The following LGI1 variants were observed in gnomAD, a reference collection of about 807,000 sequenced individuals.
LGI1 encodes the protein leucine-rich glioma-inactivated protein 1.
LGI1 carries 11 observed loss-of-function variants against 57.7 expected under a neutral mutation model. That is an observed-to-expected ratio of 0.19 (90% CI 0.12 to 0.32). The LOEUF is 0.32. LGI1 is among the 10% of genes least tolerant of loss of function. LGI1 has a pLI of 1.00. For missense variants in LGI1, 422 were observed against 661.9 expected (o/e 0.64, Z 3.98); for synonymous variants, 222 against 241.9 (o/e 0.92, Z 0.76).
intron 7 of LGI1, among the ~76,000 whole-genome samples, chr10:93,796,520 T>C (rs1290971495): frequency 4.6e-5 from 7 of 152,218 alleles, no homozygotes; most frequent in Non-Finnish European, 1.0e-4. Flanking sequence ...TTCAGTTTAC[T>C]CATGTGGAAA....
In LGI1 at chr10:93,758,306, A is replaced by C; in HGVS notation, c.162A>C (p.Leu54Phe). ...AVCTCTKDNALCENARSIPRT... is the reference protein window; with the variant it reads ...AVCTCTKDNAFCENARSIPRT... ...GTACTTGTACCAAAGATAATGCTTT[A>C]TGTGAGAATGCCAGATCCATTCCAC... Residue 54 changes from leucine to phenylalanine, a missense_variant, in exon 1 of 8, where the codon TTA becomes TTC. Physicochemically the swap from Leu to Phe is conservative, Grantham distance 22. Coordinates refer to ENST00000371418, the MANE Select transcript of LGI1 (RefSeq NM_005097.4). This position sits in a 1 kb window ranked among gnomAD's most constrained non-coding sequence, Gnocchi z 4.7. 6 of 1,614,208 alleles carry C rather than the reference A, an allele frequency of 3.7e-6. No individual in the cohort carries two copies. Among genetic ancestry groups the C allele is most frequent in the Non-Finnish European group, 3.4e-6 (4 of 1,180,030 alleles).
At chr10:93,776,533 A>G (rs2059796249) in intron 2 of LGI1, among the ~76,000 whole-genome samples, 1 of 152,176 alleles carries the variant, frequency 6.6e-6, no homozygotes, top group African/African-American at 2.4e-5. Flanking sequence ...AGTGGTACTT[A>G]TATTTAATCC....
rs753475754 is a variant in LGI1, at chr10:93,758,121, G to T, written c.-24G>T. On this transcript the variant is annotated 5_prime_UTR_variant, in exon 1 of 8. An upstream start codon of the reference 5' UTR is lost. Coordinates refer to ENST00000371418, the MANE Select transcript of LGI1 (RefSeq NM_005097.4). This position sits in a 1 kb window ranked among gnomAD's most constrained non-coding sequence, Gnocchi z 4.7. ...TCTGAATTCCAGAAGCCCTGTTCAT[G>T]GTTGGGGATATTTTCTCGACTGCAT... 6.2e-7 allele frequency: 1 copy of T among 1,604,936 alleles called. No individual in the cohort carries two copies. Among genetic ancestry groups the T allele is most frequent in the Non-Finnish European group, 8.5e-7 (1 of 1,171,782 alleles).
At position 93,797,852 on chromosome 10, in the gene LGI1, C is replaced by T; in HGVS notation, c.*49C>T. 8.0e-7 allele frequency: 1 copy of T among 1,249,954 alleles called. No homozygotes were observed. The highest frequency in any genetic ancestry group is 1.2e-6 in the Non-Finnish European group (1 of 861,826). The allele number at this position is 1,249,954 out of a possible 1,614,324, so 77.4% of individuals were successfully genotyped here. ...TCAGAAATTTTCTACAGTACATGAC[C>T]CGGATGAACTCAATGCATGATGACT... On this transcript the variant is annotated 3_prime_UTR_variant, in exon 8 of 8. Transcript: ENST00000371418. The surrounding 1 kb of genome is among the most constrained non-coding windows in gnomAD (Gnocchi z 6.5).
At chr10:93,760,198 TC>T in intron 2 of LGI1, among the ~76,000 whole-genome samples, 1 of 152,348 alleles carries the variant, frequency 6.6e-6, no homozygotes, top group East Asian at 1.9e-4. Context: ...GCTGATGTCT[TC>T]AAATGATTAG....
At chr10:93,790,008 A>G in intron 4 of LGI1, 91 bp from the exon 5 acceptor site, 1 of 1,257,346 alleles carries the variant, frequency 8.0e-7, no homozygotes, top group Non-Finnish European at 1.1e-6. Flanking sequence ...GCTGGAAATG[A>G]CAAAAGAGAC....
chr10:93,762,885 G>C (rs2059638171), intron 2 of LGI1: 1 of 152,150 alleles, frequency 6.6e-6, no homozygotes, highest in African/African-American at 2.4e-5. Flanking sequence ...TGTTTTCTCT[G>C]AAAGTGTATT....
At chr10:93,761,950 C>A (rs1223051992) in intron 2 of LGI1, among the ~76,000 whole-genome samples, 1 of 152,220 alleles carries the variant, frequency 6.6e-6, no homozygotes, top group Admixed American at 6.5e-5. Flanking sequence ...TGTGTTTTCA[C>A]ACATTACAGC....
chr10:93,796,698 G>A (rs944782674), intron 7 of LGI1, among the ~76,000 whole-genome samples: 8 of 152,148 alleles, frequency 5.3e-5, no homozygotes, highest in African/African-American at 1.7e-4. Flanking sequence ...GAGAACACTC[G>A]GGCCATAGCT....
intron 2 of LGI1, chr10:93,770,320 A>T (rs921776662): frequency 6.6e-6 from 1 of 152,298 alleles, no homozygotes; most frequent in Non-Finnish European, 1.5e-5. Context: ...CTGGCCTCTG[A>T]AGAGGCGAGG....
At chr10:93,787,522 T>C (rs1460520166) in intron 4 of LGI1, among the ~76,000 whole-genome samples, 2 of 152,220 alleles carry the variant, frequency 1.3e-5, no homozygotes, top group Non-Finnish European at 2.9e-5. Flanking sequence ...TGTTTTGCCA[T>C]CTGTTCTGTG....
intron 4 of LGI1, among the ~76,000 whole-genome samples, chr10:93,788,165 A>G (rs912486466): frequency 7.9e-5 from 12 of 152,216 alleles, no homozygotes; most frequent in Admixed American, 6.5e-4. Flanking sequence ...AAACTGAGAC[A>G]CATAACATGG....
chr10:93,772,229 A>G (rs2059748644), intron 2 of LGI1, among the ~76,000 whole-genome samples: 1 of 152,156 alleles, frequency 6.6e-6, no homozygotes, highest in African/African-American at 2.4e-5. Context: ...AAAAATGATA[A>G]TTTTAAATGT....
chr10:93,795,953 CG>C (rs2134025010), intron 7 of LGI1, among the ~76,000 whole-genome samples: 1 of 152,348 alleles, frequency 6.6e-6, no homozygotes, highest in African/African-American at 2.4e-5. Context: ...CTTTCTGCCC[CG>C]CACTAGCGCT....
intron 2 of LGI1, chr10:93,766,809 T>C (rs754888006): frequency 3.3e-5 from 5 of 152,124 alleles, no homozygotes; most frequent in South Asian, 4.1e-4. Context: ...GCCCGGCCTA[T>C]AGATCTCATT....
chr10:93,782,822 T>G (rs1228577997), intron 4 of LGI1: 2 of 152,252 alleles, frequency 1.3e-5, no homozygotes, highest in Non-Finnish European at 2.9e-5. Flanking sequence ...GGGCGATGCT[T>G]TCTTAGCAGC....
Position 93,758,587 on chromosome 10 carries a change from T to C in LGI1, c.216-173T>C, listed in dbSNP as rs1361676335. 7.3e-6 allele frequency: 5 copies of C among 689,180 alleles called. No individual in the cohort carries two copies. The highest frequency in any genetic ancestry group is 6.9e-5 in the South Asian group (4 of 57,632). 42.7% of individuals were successfully genotyped at this position (689,180 alleles called of 1,614,324 possible). Reference sequence around the variant, plus strand: ...CCTGAACATTATCATGAGAAACCTGTAGCCGATTCATTTCTCTTACTTCAT... The same window carrying C: ...CCTGAACATTATCATGAGAAACCTGCAGCCGATTCATTTCTCTTACTTCAT... On this transcript the variant is annotated intron_variant, in intron 1 of 7. Transcript: ENST00000371418. The surrounding 1 kb of genome is among the most constrained non-coding windows in gnomAD (Gnocchi z 4.7).
intron 2 of LGI1, chr10:93,769,051 T>C (rs1398756431): frequency 6.6e-6 from 1 of 152,246 alleles, no homozygotes; most frequent in Non-Finnish European, 1.5e-5. Context: ...TTTTTAAATA[T>C]TCAAATGTGA....
chr10:93,790,884 C>T (rs951944892), intron 5 of LGI1: 1 of 152,204 alleles, frequency 6.6e-6, no homozygotes, highest in Non-Finnish European at 1.5e-5. Flanking sequence ...CCTTCCAGAA[C>T]ATTAGAAAGG....
Sources: allele counts gnomAD v4.1 joint callset (sites outside exome capture counted in the v4.1 genomes callset), GRCh38; gene constraint gnomAD v4.1.1; non-coding constraint Gnocchi (gnomAD v3.1); transcripts MANE v1.5; gene names NCBI Gene and HGNC (gene_info 2026-07-23, HGNC 2026-07-21).